Variants in TMEM132C observed in about 807,000 individuals in gnomAD.
TMEM132C encodes the protein transmembrane protein 132C, also known as protein phosphatase 1, regulatory subunit 152.
Under a neutral mutation model 61.4 loss-of-function variants are expected in TMEM132C, and 29 were observed. The observed-to-expected ratio is 0.47, with a 90% CI of 0.35 to 0.64. The LOEUF is 0.64. Among genes scored for constraint, TMEM132C ranks in the 30% least tolerant of loss-of-function variants. The probability of loss-of-function intolerance (pLI) is 0.00; values close to 1 mark genes in which losing one functional copy is unlikely to be tolerated. For synonymous variants in TMEM132C, 656 were observed against 633.1 expected (o/e 1.04, Z -0.54); for missense variants, 1,408 against 1,476.9 (o/e 0.95, Z 0.76).
chr12:128,459,641 C>T (rs2136067134), intron 2 of TMEM132C, among the ~76,000 whole-genome samples: 1 of 152,138 alleles, frequency 6.6e-6, no homozygotes, highest in South Asian at 2.1e-4. Flanking sequence ...CCTGTAATCC[C>T]AGCACTTTAG....
intron 1 of TMEM132C, among the ~76,000 whole-genome samples, chr12:128,397,073 A>G (rs992343688): frequency 2.0e-5 from 3 of 152,166 alleles, no homozygotes; most frequent in African/African-American, 7.2e-5. Context: ...TGCCCCCACC[A>G]TACATCAGCA....
At chr12:128,527,335 G>T (rs770567636) in intron 2 of TMEM132C, among the ~76,000 whole-genome samples, 1 of 152,120 alleles carries the variant, frequency 6.6e-6, no homozygotes, top group East Asian at 1.9e-4. Flanking sequence ...GTTTTTTTAC[G>T]AAGGAGTTTT....
intron 1 of TMEM132C, among the ~76,000 whole-genome samples, chr12:128,381,267 T>C (rs1874388507): frequency 1.3e-5 from 2 of 152,142 alleles, no homozygotes; most frequent in South Asian, 2.1e-4. Context: ...TGATGGACTT[T>C]AGCTAGTAGG....
At chr12:128,397,322 C>T (rs1466938645) in intron 1 of TMEM132C, among the ~76,000 whole-genome samples, 2 of 152,198 alleles carry the variant, frequency 1.3e-5, no homozygotes, top group African/African-American at 2.4e-5. Context: ...CGCCGTGTGT[C>T]TTCTAACATG....
At chr12:128,328,564 A>C (rs977155831) in intron 1 of TMEM132C, among the ~76,000 whole-genome samples, 4 of 152,116 alleles carry the variant, frequency 2.6e-5, no homozygotes, top group African/African-American at 9.7e-5. Flanking sequence ...TGAGGTGGGT[A>C]GATCACGAGG....
intron 1 of TMEM132C, among the ~76,000 whole-genome samples, chr12:128,333,283 G>T (rs1167718201): frequency 6.6e-6 from 1 of 151,812 alleles, no homozygotes; most frequent in East Asian, 1.9e-4. Context: ...ACATGGGTTT[G>T]AGTGTTGTAT....
At chr12:128,541,857 G>A (rs1470608254) in intron 2 of TMEM132C, among the ~76,000 whole-genome samples, 2 of 152,260 alleles carry the variant, frequency 1.3e-5, no homozygotes, top group South Asian at 2.1e-4. Flanking sequence ...CCTGGAGGGT[G>A]AAGATGCAGT....
At chr12:128,663,953 CACACATACAGGCACAT>C (rs1427503727) in intron 4 of TMEM132C, among the ~76,000 whole-genome samples, 3 of 104,852 alleles carry the variant, frequency 2.9e-5, no homozygotes, top group Non-Finnish European at 6.2e-5. Context: ...CACAGGCACA[CACACATACAGGCACAT>C]GCACCCACAC....
rs1555230570 is a variant in TMEM132C at position 128,536,538 on chromosome 12, A to AAAGAG, written c.975-7418_975-7417insAGAGA. ...AGAACTTAAAGTATAATGAAAAAAA[A>AAAGAG]AGAGAAGGTGGCTGTGTGGCTGGCA... On this transcript the variant is annotated intron_variant, in intron 2 of 8. Transcript: ENST00000435159. 2.6e-3 allele frequency among the ~76,000 whole-genome samples: 389 copies of AAAGAG among 151,284 alleles called. 6 individuals carry two copies. The highest frequency in any genetic ancestry group is 9.0e-3 in the African/African-American group (369 of 41,136).
At chr12:128,685,572 A>G (rs920998921) in intron 5 of TMEM132C, among the ~76,000 whole-genome samples, 1 of 150,894 alleles carries the variant, frequency 6.6e-6, no homozygotes, top group Non-Finnish European at 1.5e-5. Context: ...CACATTTCCT[A>G]AGTCCAAGCT....
At chr12:128,445,062 C>G (rs1001586144) in intron 2 of TMEM132C, among the ~76,000 whole-genome samples, 1 of 152,142 alleles carries the variant, frequency 6.6e-6, no homozygotes, top group African/African-American at 2.4e-5. Flanking sequence ...TAAGAGTTAA[C>G]CTGTATCTGG....
chr12:128,481,632 C>A (rs73159873), intron 2 of TMEM132C, among the ~76,000 whole-genome samples: 20 of 152,328 alleles, frequency 1.3e-4, no homozygotes, highest in Non-Finnish European at 2.6e-4. Flanking sequence ...CAGGTCCCAC[C>A]CTAGCCGTCG....
At chr12:128,448,873 A>G (rs967352726) in intron 2 of TMEM132C, among the ~76,000 whole-genome samples, 2 of 152,176 alleles carry the variant, frequency 1.3e-5, no homozygotes, top group East Asian at 3.9e-4. Flanking sequence ...GGCCTGTGTC[A>G]TATTTTAAAA....
intron 2 of TMEM132C, among the ~76,000 whole-genome samples, chr12:128,468,111 T>G (rs1162708301): frequency 6.6e-6 from 1 of 152,112 alleles, no homozygotes; most frequent in Non-Finnish European, 1.5e-5. Context: ...CAGCAGGTGT[T>G]GGCCTCAGTG....
intron 3 of TMEM132C, among the ~76,000 whole-genome samples, chr12:128,577,841 GA>G (rs1875176033): frequency 6.6e-6 from 1 of 152,184 alleles, no homozygotes; most frequent in Non-Finnish European, 1.5e-5. Flanking sequence ...TGCCTTATTA[GA>G]AGGCTTGAAA....
chr12:128,341,800 C>T (rs1361759478), intron 1 of TMEM132C, among the ~76,000 whole-genome samples: 1 of 152,152 alleles, frequency 6.6e-6, no homozygotes, highest in Admixed American at 6.6e-5. Flanking sequence ...GTTAACTCAG[C>T]CCCTGCACCA....
chr12:128,331,498 T>C (rs943392367), intron 1 of TMEM132C, among the ~76,000 whole-genome samples: 4 of 152,216 alleles, frequency 2.6e-5, no homozygotes, highest in African/African-American at 4.8e-5. Context: ...GGCACCCACT[T>C]ATGAGTAGAA....
intron 1 of TMEM132C, among the ~76,000 whole-genome samples, chr12:128,395,560 T>A (rs2136004303): frequency 1.3e-5 from 2 of 152,318 alleles, no homozygotes; most frequent in South Asian, 4.1e-4. Context: ...CAGCTCAGCC[T>A]AGCCTGCCTT....
intron 4 of TMEM132C, among the ~76,000 whole-genome samples, chr12:128,633,285 G>T (rs969999778): frequency 6.6e-6 from 1 of 152,142 alleles, no homozygotes; most frequent in African/African-American, 2.4e-5. Context: ...ACATCCCATT[G>T]GTTACATTGA....
Sources: gnomAD v4.1 joint callset for allele counts (sites outside exome capture counted in the v4.1 genomes callset) on GRCh38, gnomAD v4.1.1 for gene constraint, MANE v1.5 for transcripts, NCBI Gene and HGNC (gene_info 2026-07-23, HGNC 2026-07-21) for gene names.